The following ITGA8 variants were observed in gnomAD, a reference collection of about 807,000 sequenced individuals.
ITGA8 encodes the protein integrin subunit alpha 8, also known as integrin alpha-8.
In ITGA8, 91 loss-of-function variants were observed where a neutral mutation model predicts 142.3. The ratio of observed to expected loss-of-function variants is 0.64; its 90% confidence interval spans 0.54 to 0.76. The LOEUF (loss-of-function observed/expected upper bound fraction) is 0.76, where lower values mean the gene tolerates loss of function less well. Ranked by LOEUF, ITGA8 falls within the 30% of genes least tolerant of loss-of-function variation. ITGA8 has a pLI of 0.00. For synonymous variants in ITGA8, 505 were observed against 485.2 expected, an observed-to-expected ratio of 1.04 and a Z score of -0.54; for missense variants, 1,406 against 1,327.7, an observed-to-expected ratio of 1.06 and a Z score of -0.92.
At chr10:15,524,256 G>T (rs1042230371) in intron 28 of ITGA8, among the ~76,000 whole-genome samples, 1 of 152,156 alleles carries the variant, frequency 6.6e-6, no homozygotes, top group Non-Finnish European at 1.5e-5. Context: ...TAGTCTAGAA[G>T]TCACTACAGT....
At chr10:15,632,867 A>G (rs1588687382) in intron 13 of ITGA8, among the ~76,000 whole-genome samples, 3 of 151,212 alleles carry the variant, frequency 2.0e-5, no homozygotes, top group Admixed American at 2.0e-4. Flanking sequence ...AGGCTGTCTT[A>G]TGAAGGATGG....
At chr10:15,715,863 T>C (rs1308740387) in intron 2 of ITGA8, among the ~76,000 whole-genome samples, 1 of 152,172 alleles carries the variant, frequency 6.6e-6, no homozygotes, top group East Asian at 1.9e-4. Flanking sequence ...TCTGAGGGTA[T>C]AAGGACAAAG....
intron 2 of ITGA8, among the ~76,000 whole-genome samples, chr10:15,697,081 A>C (rs909359311): frequency 6.7e-6 from 1 of 150,316 alleles, no homozygotes; most frequent in African/African-American, 2.5e-5. Flanking sequence ...AATAGTATGA[A>C]AATATTGCTA....
intron 15 of ITGA8, among the ~76,000 whole-genome samples, chr10:15,609,403 TTAATTA>T (rs1340538537): frequency 3.9e-5 from 6 of 152,322 alleles, no homozygotes; most frequent in Admixed American, 1.3e-4. Context: ...CAATCATACT[TTAATTA>T]TGTGTCAGCT....
intron 27 of ITGA8, among the ~76,000 whole-genome samples, chr10:15,541,923 C>T (rs935122924): frequency 6.6e-6 from 1 of 152,080 alleles, no homozygotes; most frequent in African/African-American, 2.4e-5. Flanking sequence ...AAAGCCAGTA[C>T]ATTCGGCCCC....
intron 12 of ITGA8, 89 bp downstream of exon 12, chr10:15,646,757 C>T (rs780572621): frequency 2.2e-6 from 2 of 911,872 alleles, no homozygotes; most frequent in African/African-American, 1.6e-5. Flanking sequence ...CACCCACACA[C>T]ACCATACTGA....
intron 27 of ITGA8, among the ~76,000 whole-genome samples, chr10:15,535,428 T>C (rs753253274): frequency 6.6e-6 from 1 of 152,172 alleles, no homozygotes; most frequent in Admixed American, 6.5e-5. Flanking sequence ...AGAACCTTTA[T>C]GTCTAGCTAG....
chr10:15,577,105 C>T lies in ITGA8; in HGVS notation c.2373-1511G>A, dbSNP rs552764655. ...CAGCTTGGCAACAGAGAGTTGAGTT[C>T]GTGTTCACTATCCATTGTCCATTGT... is the stretch of plus-strand genomic sequence containing the variant. On this transcript the variant is annotated intron_variant, in intron 23 of 29. Coordinates refer to ENST00000378076, the MANE Select transcript of ITGA8 (RefSeq NM_003638.3). Among the ~76,000 whole-genome samples, 19 of 152,182 alleles carry T rather than the reference C, an allele frequency of 1.2e-4. No homozygotes were observed. The East Asian group carries it at 2.7e-3, about 22-fold the overall frequency.
intron 2 of ITGA8, among the ~76,000 whole-genome samples, chr10:15,702,404 C>G (rs1163179904): frequency 6.6e-6 from 1 of 152,042 alleles, no homozygotes; most frequent in Non-Finnish European, 1.5e-5. Flanking sequence ...GATTCTCCTG[C>G]CTCAGCCTCC....
chr10:15,694,472 TATATAAA>T (rs1233546734), intron 2 of ITGA8, among the ~76,000 whole-genome samples: 2 of 136,586 alleles, frequency 1.5e-5, no homozygotes, highest in Non-Finnish European at 3.0e-5. Context: ...ACATCTATTA[TATATAAA>T]ATATATCTAT....
chr10:15,653,102 G>T (rs556207199), intron 11 of ITGA8, among the ~76,000 whole-genome samples: 80 of 152,306 alleles, frequency 5.3e-4, no homozygotes, highest in African/African-American at 1.8e-3. Flanking sequence ...ACAGCTCTCT[G>T]CTGGTTCTTG....
intron 25 of ITGA8, among the ~76,000 whole-genome samples, chr10:15,564,474 TAA>T (rs1253826790): frequency 1.3e-5 from 2 of 152,226 alleles, no homozygotes; most frequent in Non-Finnish European, 2.9e-5. Flanking sequence ...TGGTCACCAC[TAA>T]AGTGTCTTCT....
chr10:15,618,582 C>T (rs1833435689), intron 13 of ITGA8, among the ~76,000 whole-genome samples: 1 of 152,086 alleles, frequency 6.6e-6, no homozygotes, highest in Non-Finnish European at 1.5e-5. Context: ...ACATTTGGGT[C>T]AGTGGACTGG....
intron 20 of ITGA8, among the ~76,000 whole-genome samples, chr10:15,603,514 C>T (rs931794911): frequency 3.9e-5 from 6 of 152,140 alleles, no homozygotes; most frequent in African/African-American, 1.4e-4. Flanking sequence ...CTCTGTTATT[C>T]TACAATGTAT....
intron 8 of ITGA8, among the ~76,000 whole-genome samples, chr10:15,670,495 G>A (rs758846911): frequency 5.7e-4 from 87 of 152,218 alleles, no homozygotes; most frequent in Non-Finnish European, 9.6e-4. Context: ...AGCTGTTTCC[G>A]GTATGAATCT....
At chr10:15,702,090 C>T (rs1055170822) in intron 2 of ITGA8, among the ~76,000 whole-genome samples, 6 of 152,052 alleles carry the variant, frequency 3.9e-5, no homozygotes, top group Non-Finnish European at 5.9e-5. Flanking sequence ...ACTCCAAAAC[C>T]ACTCTGAAAA....
At chr10:15,533,913 CT>C (rs572087349) in intron 27 of ITGA8, among the ~76,000 whole-genome samples, 37 of 146,692 alleles carry the variant, frequency 2.5e-4, no homozygotes, top group Non-Finnish European at 3.0e-4. Context: ...CATCACCAAT[CT>C]TTTTTTTTTT....
At chr10:15,695,351 T>C (rs1191472581) in intron 2 of ITGA8, among the ~76,000 whole-genome samples, 1 of 152,220 alleles carries the variant, frequency 6.6e-6, no homozygotes, top group African/African-American at 2.4e-5. Flanking sequence ...AAAATTCTGT[T>C]TTATTATTTC....
chr10:15,580,496 A>G (rs922059145), intron 23 of ITGA8, among the ~76,000 whole-genome samples: 1 of 152,198 alleles, frequency 6.6e-6, no homozygotes, highest in Non-Finnish European at 1.5e-5. Flanking sequence ...ACTACAGATC[A>G]GTACTTCTTA....
Sources: gnomAD v4.1 joint callset for allele counts (sites outside exome capture counted in the v4.1 genomes callset) on GRCh38, gnomAD v4.1.1 for gene constraint, MANE v1.5 for transcripts, NCBI Gene and HGNC (gene_info 2026-07-23, HGNC 2026-07-21) for gene names.